RBM33: variants seen among roughly 807,000 people sequenced by gnomAD.
The protein encoded by RBM33 is RNA binding motif protein 33.
RBM33 carries 28 observed loss-of-function variants against 132.6 expected under a neutral mutation model. The ratio of observed to expected loss-of-function variants is 0.21; its 90% confidence interval spans 0.16 to 0.29. RBM33 has a LOEUF of 0.29. Ranked by LOEUF, RBM33 falls within the 10% of genes least tolerant of loss-of-function variation. The probability of loss-of-function intolerance (pLI) is 1.00; values close to 1 mark genes in which losing one functional copy is unlikely to be tolerated. For missense variants in RBM33, 1,291 were observed against 1,518.5 expected, an observed-to-expected ratio of 0.85 and a Z score of 2.49; for synonymous variants, 634 against 593.0, an observed-to-expected ratio of 1.07 and a Z score of -1.01.
chr7:155,705,852 C>T (rs149210258), intron 6 of RBM33, among the ~76,000 whole-genome samples: 4 of 152,300 alleles, frequency 2.6e-5, no homozygotes, highest in African/African-American at 9.6e-5. Context: ...ACACTCCACA[C>T]GTGTTTGCAT....
intron 3 of RBM33, among the ~76,000 whole-genome samples, chr7:155,673,943 T>TG (rs1799093003): frequency 5.8e-5 from 1 of 17,316 alleles, no homozygotes; most frequent in African/African-American, 2.5e-4. Context: ...AGGCTTAGTT[T>TG]TTTTTTTTTT....
At chr7:155,693,440 ATT>A (rs928867733) in intron 5 of RBM33, among the ~76,000 whole-genome samples, 1 of 150,530 alleles carries the variant, frequency 6.6e-6, no homozygotes, top group African/African-American at 2.4e-5. Context: ...CATATTAAGT[ATT>A]TTGTCTTTTT....
intron 2 of RBM33, among the ~76,000 whole-genome samples, chr7:155,666,135 A>G (rs61492074): frequency 0.64 from 97,931 of 151,984 alleles, 32,462 homozygotes; most frequent in South Asian, 0.77. Context: ...AAGATTCATT[A>G]TGAAGGACTG....
At chr7:155,739,662 T>C (rs1801249369) in intron 11 of RBM33, 53 bp from the exon 12 acceptor site, 5 of 1,482,488 alleles carry the variant, frequency 3.4e-6, no homozygotes, top group Non-Finnish European at 4.5e-6. Context: ...GAAGTGATTA[T>C]GCCCGGTGTA....
chr7:155,650,149 T>C (rs1798317042), intron 1 of RBM33, among the ~76,000 whole-genome samples: 1 of 152,232 alleles, frequency 6.6e-6, no homozygotes, highest in African/African-American at 2.4e-5. Flanking sequence ...TGTCTTTAAA[T>C]GCTTTTGACA....
chr7:155,708,745 T>C (rs1800189947), intron 7 of RBM33, among the ~76,000 whole-genome samples: 1 of 152,196 alleles, frequency 6.6e-6, no homozygotes, highest in South Asian at 2.1e-4. Context: ...TCGTCTTTGC[T>C]AATCAGTGAT....
At chr7:155,686,548 T>C (rs1585437297) in intron 5 of RBM33, among the ~76,000 whole-genome samples, 1 of 152,120 alleles carries the variant, frequency 6.6e-6, no homozygotes, top group South Asian at 2.1e-4. Flanking sequence ...GTTACATATG[T>C]ATACATGCAC....
At position 155,707,939 on chromosome 7, in the gene RBM33, C is replaced by T. The variant is rs139161460; in HGVS notation, c.948+871C>T. Among the ~76,000 whole-genome samples the T allele has an allele frequency of 7.6e-3, 1,163 of 152,310 alleles. 11 individuals are homozygous for T. The highest frequency in any genetic ancestry group is 0.026 in the African/African-American group (1,075 of 41,560). Reference sequence around the variant, plus strand: ...CCTCCCAGAGTGCTGGGATTACGGGCGTGAGCCACTGGGCCCAACCTATTC... The same window carrying T: ...CCTCCCAGAGTGCTGGGATTACGGGTGTGAGCCACTGGGCCCAACCTATTC... On this transcript the variant is annotated intron_variant, in intron 7 of 17. Coordinates refer to ENST00000401878, the MANE Select transcript of RBM33 (RefSeq NM_053043.3).
intron 5 of RBM33, among the ~76,000 whole-genome samples, chr7:155,696,837 T>A (rs1269527579): frequency 6.6e-6 from 1 of 152,160 alleles, no homozygotes; most frequent in East Asian, 1.9e-4. Context: ...TTTCTTAGTG[T>A]TTCCCTGTAT....
At chr7:155,719,150 T>A (rs1441367812) in intron 9 of RBM33, among the ~76,000 whole-genome samples, 1 of 152,170 alleles carries the variant, frequency 6.6e-6, no homozygotes, top group Admixed American at 6.5e-5. Context: ...TGTAGTTTGT[T>A]CATGGTTTTA....
intron 8 of RBM33, among the ~76,000 whole-genome samples, chr7:155,718,170 G>A (rs1485769133): frequency 6.6e-6 from 1 of 152,018 alleles, no homozygotes; most frequent in Non-Finnish European, 1.5e-5. Flanking sequence ...TTAAACTTCT[G>A]CTTGCACTGC....
chr7:155,713,032 T>C (rs1289227960), intron 8 of RBM33, among the ~76,000 whole-genome samples: 1 of 152,026 alleles, frequency 6.6e-6, no homozygotes, highest in African/African-American at 2.4e-5. Flanking sequence ...TGCAGAGAGC[T>C]CAGAGCTGGA....
Position 155,739,885 on chromosome 7 carries a change from C to G in RBM33, c.1908C>G (p.His636Gln), listed in dbSNP as rs765182146. ...AGCACCCGCCGCAGCACCAGCACCACCACCACCACCACCACCTGTCCGTCC... is the reference window on the plus strand; with the variant it reads ...AGCACCCGCCGCAGCACCAGCACCAGCACCACCACCACCACCTGTCCGTCC... ...PPQHPPQHQH[H>Q]HHHHHLSVPP... The change falls in exon 12 of 18, where the codon CAC (histidine) becomes CAG (glutamine). Residue 636 changes from histidine to glutamine, a missense_variant. His to Gln is a conservative substitution (Grantham distance 24). Coordinates refer to ENST00000401878, the MANE Select transcript of RBM33 (RefSeq NM_053043.3). 4.5e-5 allele frequency: 69 copies of G among 1,546,764 alleles called. 1 individual carries two copies. Among genetic ancestry groups the G allele is most frequent in the East Asian group, 2.7e-4 (11 of 40,730 alleles).
In RBM33 at chr7:155,775,946, T is replaced by C. The variant is rs1298734208; in HGVS notation, c.*905T>C. 1.3e-5 allele frequency: 2 copies of C among 152,378 alleles called. No individual in the cohort carries two copies. The highest frequency in any genetic ancestry group is 3.9e-4 in the East Asian group (2 of 5,188). 9.4% of individuals were successfully genotyped at this position (152,378 alleles called of 1,614,324 possible). A position where few individuals can be genotyped will look rare whatever the true frequency, so the allele number is the denominator to read the frequency against. ...CATTCTTTGGGAATTTGGTGGCCACTGCTTCAGTCACCTCTGTTTTTCTGA... is the reference window on the plus strand; with the variant it reads ...CATTCTTTGGGAATTTGGTGGCCACCGCTTCAGTCACCTCTGTTTTTCTGA... On this transcript the variant is annotated 3_prime_UTR_variant, in exon 18 of 18. Transcript: ENST00000401878.
At chr7:155,727,498 GA>G (rs1365692609) in intron 9 of RBM33, among the ~76,000 whole-genome samples, 1 of 152,220 alleles carries the variant, frequency 6.6e-6, no homozygotes, top group Admixed American at 6.5e-5. Context: ...GAGGGAAAGA[GA>G]AAAGTGCCAC....
chr7:155,746,467 C>T (rs997471930), intron 14 of RBM33: 1 of 152,134 alleles, frequency 6.6e-6, no homozygotes, highest in Admixed American at 6.5e-5. Flanking sequence ...CTTTCTCTTG[C>T]TTTTCATCAT....
intron 11 of RBM33, chr7:155,738,675 G>A (rs1205862598): frequency 2.5e-6 from 1 of 406,538 alleles, no homozygotes; most frequent in Non-Finnish European, 4.4e-6. Context: ...ATAAAATTAG[G>A]ACATGTTTTG....
intron 9 of RBM33, among the ~76,000 whole-genome samples, chr7:155,723,365 G>A (rs1053639192): frequency 1.3e-5 from 2 of 152,148 alleles, no homozygotes; most frequent in Non-Finnish European, 2.9e-5. Context: ...CATTTTCTCT[G>A]ATCAGATCTA....
chr7:155,699,776 ATGAT>A (rs1799906104), intron 5 of RBM33, among the ~76,000 whole-genome samples: 1 of 152,334 alleles, frequency 6.6e-6, no homozygotes, highest in Non-Finnish European at 1.5e-5. Flanking sequence ...AGAATATAAA[ATGAT>A]TGTGTCATTG....
Sources: gnomAD v4.1 joint callset for allele counts (sites outside exome capture counted in the v4.1 genomes callset) on GRCh38, gnomAD v4.1.1 for gene constraint, MANE v1.5 for transcripts, NCBI Gene and HGNC (gene_info 2026-07-23, HGNC 2026-07-21) for gene names.